The following CREBBP variants were observed in gnomAD, a reference collection of about 807,000 sequenced individuals.
The protein encoded by CREBBP is CREB binding lysine acetyltransferase.
CREBBP carries 19 observed loss-of-function variants against 265.0 expected under a neutral mutation model. The ratio of observed to expected loss-of-function variants is 0.07; its 90% CI spans 0.05 to 0.11. The LOEUF (loss-of-function observed/expected upper bound fraction) is 0.11, where lower values mean the gene tolerates loss of function less well. CREBBP is among the 10% of genes least tolerant of loss of function. CREBBP has a pLI of 1.00. For missense variants in CREBBP, 2,525 were observed against 3,219.0 expected, an observed-to-expected ratio of 0.78 and a Z score of 5.22; for synonymous variants, 1,457 against 1,223.7, an observed-to-expected ratio of 1.19 and a Z score of -3.98.
chr16:3,812,194 T>C (rs1282906614), intron 2 of CREBBP, among the ~76,000 whole-genome samples: 2 of 152,056 alleles, frequency 1.3e-5, no homozygotes. Context: ...TTATTTATAT[T>C]TTTTGAGAGT....
chr16:3,784,270 A>T (rs952904260), intron 5 of CREBBP, among the ~76,000 whole-genome samples: 18 of 152,194 alleles, frequency 1.2e-4, no homozygotes, highest in African/African-American at 4.3e-4. Context: ...TGTGAAAAAA[A>T]ATTCCTGGTA....
chr16:3,777,932 T>A (rs1321014395), intron 10 of CREBBP, 79 bp downstream of exon 10: 2 of 1,511,070 alleles, frequency 1.3e-6, no homozygotes, highest in South Asian at 2.3e-5. Flanking sequence ...TAATTCTCTG[T>A]TCTTAGAAAT....
intron 3 of CREBBP, among the ~76,000 whole-genome samples, chr16:3,794,145 A>G (rs1255998647): frequency 6.6e-6 from 1 of 151,838 alleles, no homozygotes; most frequent in Non-Finnish European, 1.5e-5. Flanking sequence ...GGCTAACACG[A>G]TGAGACCTCA....
chr16:3,727,660 G>C lies in CREBBP; in HGVS notation c.*58C>G. 1 of 1,613,506 alleles carries C rather than the reference G, an allele frequency of 6.2e-7. No individual in the cohort carries two copies. The highest frequency in any genetic ancestry group is 8.5e-7 in the Non-Finnish European group (1 of 1,180,000). On this transcript the variant is annotated 3_prime_UTR_variant, in exon 31 of 31. Transcript: ENST00000262367. ...GGAATAAAAAGAACCTAGATGCCTG[G>C]ATTTTCAGTACAAAAGGTCCAAGAA... is the stretch of plus-strand genomic sequence containing the variant.
chr16:3,766,072 A>G (rs1336404682), intron 16 of CREBBP, among the ~76,000 whole-genome samples: 1 of 152,168 alleles, frequency 6.6e-6, no homozygotes, highest in Non-Finnish European at 1.5e-5. Context: ...GACACTGTAT[A>G]GTGAAATATG....
At chr16:3,847,188 C>T (rs2054685300) in intron 2 of CREBBP, among the ~76,000 whole-genome samples, 1 of 152,174 alleles carries the variant, frequency 6.6e-6, no homozygotes, top group African/African-American at 2.4e-5. Context: ...CTAAGGTACA[C>T]TGCCAAGTAA....
intron 6 of CREBBP, 37 bp downstream of exon 6, chr16:3,782,647 G>C: frequency 6.2e-7 from 1 of 1,612,258 alleles, no homozygotes. Flanking sequence ...GCTGCATGTG[G>C]ACAAGTAAGA....
chr16:3,781,955 T>C (rs989676733), intron 6 of CREBBP, among the ~76,000 whole-genome samples: 2 of 152,180 alleles, frequency 1.3e-5, no homozygotes, highest in Non-Finnish European at 2.9e-5. Context: ...GCTGGGCATA[T>C]TTTAAGGAGT....
rs2051843014 is a variant in CREBBP at position 3,729,221 on chromosome 16, C to A, written c.5826G>T (p.Val1942=). 1 of 1,529,028 alleles carries A rather than the reference C, an allele frequency of 6.5e-7. No individual in the cohort carries two copies. The highest frequency in any genetic ancestry group is 8.7e-7 in the Non-Finnish European group (1 of 1,143,594). 94.7% of individuals were successfully genotyped at this position (1,529,028 alleles called of 1,614,324 possible). ...GCTGGGCCGGGGGTGGGGGGGCCGG[C>A]ACCTGGCTGGTAGGCTTCCCTGTGG... ...TVSTGKPTSQ[V]PAPPPPAQPP... is the part of the protein sequence containing the mutation. The change falls in exon 31 of 31, where the codon GTG becomes GTT. Residue 1942 remains valine (V), a synonymous_variant. Coordinates refer to ENST00000262367, the MANE Select transcript of CREBBP (RefSeq NM_004380.3).
At position 3,735,053 on chromosome 16, in the gene CREBBP, C is replaced by A. The variant is rs188897827; in HGVS notation, c.4728+983G>T. On this transcript the variant is annotated intron_variant, in intron 28 of 30. Coordinates refer to ENST00000262367, the MANE Select transcript of CREBBP (RefSeq NM_004380.3). Reference sequence around the variant, plus strand: ...CCTGCACCTACAGCTACAGCCCACACCCACGCCACCATCATCTCTTCCCCA... The same window carrying A: ...CCTGCACCTACAGCTACAGCCCACAACCACGCCACCATCATCTCTTCCCCA... Among the ~76,000 whole-genome samples, 971 of 152,304 alleles carry A rather than the reference C, an allele frequency of 6.4e-3. 11 individuals carry two copies. Among genetic ancestry groups the A allele is most frequent in the Middle Eastern group, 0.017 (5 of 294 alleles).
intron 3 of CREBBP, among the ~76,000 whole-genome samples, chr16:3,796,546 C>T (rs1251570913): frequency 2.6e-5 from 4 of 152,110 alleles, no homozygotes; most frequent in Non-Finnish European, 5.9e-5. Flanking sequence ...ACCACCACGC[C>T]TGGCTACTTT....
Position 3,759,991 on chromosome 16 carries a change from G to C in CREBBP, c.3251-1019C>G, listed in dbSNP as rs1053247903. On this transcript the variant is annotated intron_variant, in intron 16 of 30. Transcript: ENST00000262367. ...CGTGTCACGACCCCACCTGGCTCAT[G>C]TTCACTCACACAGAGAAGAAACTGG... 2.6e-5 allele frequency among the ~76,000 whole-genome samples: 4 copies of C among 152,210 alleles called. No homozygotes were observed. The East Asian group carries it at 7.7e-4, about 29-fold the overall frequency.
chr16:3,761,366 T>C (rs1022841015), intron 16 of CREBBP, among the ~76,000 whole-genome samples: 1 of 152,192 alleles, frequency 6.6e-6, no homozygotes, highest in African/African-American at 2.4e-5. Context: ...ATCAGGTACA[T>C]GGACCTGCCA....
intron 2 of CREBBP, among the ~76,000 whole-genome samples, chr16:3,849,422 T>TGTG (rs1567360009): frequency 5.7e-4 from 4 of 7,078 alleles, no homozygotes; most frequent in African/African-American, 6.7e-4. Context: ...TGTGTGTGTG[T>TGTG]GTGTGTGTGT....
chr16:3,879,843 T>C lies in CREBBP; in HGVS notation c.74A>G (p.Asn25Ser). The C allele has an allele frequency of 6.2e-7, 1 of 1,607,178 alleles. No individual in the cohort carries two copies. The highest frequency in any genetic ancestry group is 8.5e-7 in the Non-Finnish European group (1 of 1,176,566). Reference sequence around the variant, plus strand: ...GACCCCCTCCTCACCTGTGCTGTCATTCGCCGAGAAACCGGGCGAGCTGAG... The same window carrying C: ...GACCCCCTCCTCACCTGTGCTGTCACTCGCCGAGAAACCGGGCGAGCTGAG... ...AKLSSPGFSA[N>S]DSTDFGSLFD... is the part of the protein sequence containing the mutation. Residue 25 changes from asparagine (N) to serine (S), a missense_variant, in exon 1 of 31, where the codon AAT becomes AGT. By Grantham distance (46) the Asn-to-Ser change is conservative (BLOSUM62 1). Around this residue, in one of 19 missense-constraint regions of CREBBP, gnomAD observed 356 missense variants for 340.4 expected, o/e 1.05. Coordinates refer to ENST00000262367, the MANE Select transcript of CREBBP (RefSeq NM_004380.3).
In CREBBP at chr16:3,782,926, G is replaced by GGGT; in HGVS notation, c.1331-1_1331insACC (p.Thr444delinsAsnPro). The GGGT allele has an allele frequency of 6.2e-7, 1 of 1,614,174 alleles. No homozygotes were observed. Among genetic ancestry groups the GGGT allele is most frequent in the Non-Finnish European group, 8.5e-7 (1 of 1,180,038 alleles). On this transcript the variant is annotated protein_altering_variant and splice_region_variant. Transcript: ENST00000262367. The stretch of plus-strand genomic sequence containing the variant: ...TCCACTAGCTGGAGACCCCAGGATG[G>GGGT]CTATAACGACAAACAGACAGACAGA...
chr16:3,731,584 G>GT lies in CREBBP; in HGVS notation c.4891-112_4891-111insA. ...GCAGAATAGGCAGGTGGCTGAGCCT[G>GT]ATGGCCCTGATGCCTTGGGATGGAA... On this transcript the variant is annotated intron_variant, in intron 29 of 30. Transcript: ENST00000262367. This position sits in a 1 kb window ranked among gnomAD's most constrained non-coding sequence, Gnocchi z 7.7. The GT allele has an allele frequency of 7.0e-7, 1 of 1,423,104 alleles. No homozygotes were observed. Among genetic ancestry groups the GT allele is most frequent in the South Asian group, 1.2e-5 (1 of 84,338 alleles). 88.2% of individuals were successfully genotyped at this position (1,423,104 alleles called of 1,614,324 possible).
At chr16:3,854,187 C>A (rs892857391) in intron 1 of CREBBP, among the ~76,000 whole-genome samples, 6 of 152,136 alleles carry the variant, frequency 3.9e-5, no homozygotes, top group African/African-American at 1.4e-4. Flanking sequence ...TTCCCCTTTG[C>A]AAGTGACACA....
chr16:3,833,066 T>C (rs145755958), intron 2 of CREBBP, among the ~76,000 whole-genome samples: 80 of 152,334 alleles, frequency 5.3e-4, no homozygotes, highest in East Asian at 1.9e-3. Context: ...TGAATGCTTT[T>C]TTCCCACAGA....
Sources: allele counts gnomAD v4.1 joint callset (sites outside exome capture counted in the v4.1 genomes callset), GRCh38; gene constraint gnomAD v4.1.1; regional missense constraint gnomAD v4.1.1; non-coding constraint Gnocchi (gnomAD v3.1); transcripts MANE v1.5; gene names NCBI Gene and HGNC (gene_info 2026-07-23, HGNC 2026-07-21).